The following BIVM variants were observed in gnomAD, a reference collection of about 807,000 sequenced individuals.
The protein encoded by BIVM is basic, immunoglobulin-like variable motif containing, also known as basic immunoglobulin-like variable motif-containing protein.
Under a neutral mutation model 61.4 loss-of-function variants are expected in BIVM, and 31 were observed. The observed-to-expected ratio is 0.51, with a 90% CI of 0.38 to 0.68. The LOEUF is 0.68. BIVM is among the 30% of genes least tolerant of loss of function. BIVM has a pLI of 0.00. For missense variants in BIVM, 526 were observed against 596.0 expected (o/e 0.88, Z 1.22); for synonymous variants, 189 against 210.7 (o/e 0.90, Z 0.89).
chr13:102,821,151 C>T lies in BIVM; in HGVS notation c.701+19C>T. The T allele has an allele frequency of 6.3e-7, 1 of 1,594,036 alleles. No individual in the cohort carries two copies. The highest frequency in any genetic ancestry group is 8.5e-7 in the Non-Finnish European group (1 of 1,171,084). ...CTGGAAAGTAAGTATGTCAATTTAT[C>T]AGTACCCCCAAACTCCAAAGTAATT... is the stretch of plus-strand genomic sequence containing the variant. On this transcript the variant is annotated intron_variant, in intron 5 of 10. Coordinates refer to ENST00000257336, the MANE Select transcript of BIVM (RefSeq NM_017693.4).
intron 3 of BIVM, among the ~76,000 whole-genome samples, chr13:102,809,787 C>CTT (rs71292825): frequency 0.37 from 47,182 of 126,858 alleles, 9,626 homozygotes; most frequent in Non-Finnish European, 0.51. Context: ...TCTTTTCTTT[C>CTT]TTTTTTTTTT....
intron 9 of BIVM, among the ~76,000 whole-genome samples, chr13:102,836,571 CCCAAAGGG>C (rs1367863489): frequency 6.6e-6 from 1 of 152,254 alleles, no homozygotes; most frequent in African/African-American, 2.4e-5. Flanking sequence ...TCCTTGGCCT[CCCAAAGGG>C]CCGGGATTAC....
At chr13:102,802,611 C>T (rs546791420) in intron 1 of BIVM, among the ~76,000 whole-genome samples, 1 of 128,980 alleles carries the variant, frequency 7.8e-6, no homozygotes, top group African/African-American at 3.0e-5. Context: ...TAAAATGCAT[C>T]CTTATATTGA....
intron 10 of BIVM, 169 bp from the exon 11 acceptor site, chr13:102,839,403 G>A (rs1229094095): frequency 2.2e-6 from 2 of 912,502 alleles, no homozygotes; most frequent in Non-Finnish European, 3.2e-6. Context: ...TTTTGTAAAG[G>A]CAGCTGTTAG....
intron 4 of BIVM, chr13:102,820,547 T>G (rs1880194950): frequency 6.3e-6 from 1 of 159,178 alleles, no homozygotes; most frequent in Non-Finnish European, 1.4e-5. Flanking sequence ...ATTTCACTTT[T>G]AAACTTCTCT....
At chr13:102,831,537 A>C (rs773084932) in intron 7 of BIVM, 28 bp from the exon 8 acceptor site, 29 of 1,613,074 alleles carry the variant, frequency 1.8e-5, no homozygotes, top group Non-Finnish European at 2.4e-5. Context: ...ATGGGCTTTC[A>C]GTTTGTGTGT....
chr13:102,826,289 A>T (rs1455786596), intron 7 of BIVM, among the ~76,000 whole-genome samples: 1 of 152,054 alleles, frequency 6.6e-6, no homozygotes, highest in Non-Finnish European at 1.5e-5. Flanking sequence ...TGTGTGCTAG[A>T]TCTGCCCTGC....
intron 3 of BIVM, among the ~76,000 whole-genome samples, chr13:102,813,050 A>C (rs1404412303): frequency 6.6e-6 from 1 of 152,174 alleles, no homozygotes. Context: ...ATTTGCATTT[A>C]CTGTTCAGGA....
chr13:102,812,994 T>C (rs922576544), intron 3 of BIVM, among the ~76,000 whole-genome samples: 65 of 152,322 alleles, frequency 4.3e-4, no homozygotes, highest in African/African-American at 1.5e-3. Flanking sequence ...TTTCTTGGAC[T>C]TGGGGATAGG....
At chr13:102,809,288 A>G (rs919205565) in intron 3 of BIVM, among the ~76,000 whole-genome samples, 3 of 152,212 alleles carry the variant, frequency 2.0e-5, no homozygotes, top group African/African-American at 7.2e-5. Context: ...ACTTAGATGT[A>G]TGCTGTTTAA....
intron 3 of BIVM, among the ~76,000 whole-genome samples, chr13:102,810,422 A>G (rs558200344): frequency 2.5e-4 from 38 of 152,372 alleles, no homozygotes; most frequent in African/African-American, 8.2e-4. Flanking sequence ...ATACAAAAAC[A>G]TATTTTTAAA....
At chr13:102,806,836 G>A (rs192031891) in intron 2 of BIVM, among the ~76,000 whole-genome samples, 406 of 152,078 alleles carry the variant, frequency 2.7e-3, no homozygotes, top group African/African-American at 9.2e-3. Flanking sequence ...CTTGAACCCG[G>A]GAGGCGGAGG....
chr13:102,837,505 A>G (rs1392866636), intron 9 of BIVM, among the ~76,000 whole-genome samples: 1 of 152,200 alleles, frequency 6.6e-6, no homozygotes, highest in Non-Finnish European at 1.5e-5. Context: ...GAGATTCCTT[A>G]AAGAACTAAA....
intron 9 of BIVM, among the ~76,000 whole-genome samples, chr13:102,835,332 A>G (rs1429743629): frequency 1.3e-5 from 2 of 152,166 alleles, no homozygotes; most frequent in Non-Finnish European, 2.9e-5. Context: ...TCCTGCCTCA[A>G]AAAAAGGGAA....
At chr13:102,833,937 A>G (rs1418467328) in intron 8 of BIVM, among the ~76,000 whole-genome samples, 1 of 152,232 alleles carries the variant, frequency 6.6e-6, no homozygotes, top group East Asian at 1.9e-4. Flanking sequence ...TTTTAAACCA[A>G]CTTTGTACCC....
In BIVM at chr13:102,825,087, C is replaced by T. The variant is rs1056092949; in HGVS notation, c.901+2928C>T. ...CCTCCCGAGTAGCTGGGACTACAGG[C>T]GCCCACCACCATGCCCGGCTAATTT... On this transcript the variant is annotated intron_variant, in intron 7 of 10. Transcript: ENST00000257336. Among the ~76,000 whole-genome samples the T allele has an allele frequency of 5.0e-4, 76 of 152,088 alleles. 1 individual carries two copies. The highest frequency in any genetic ancestry group is 1.7e-3 in the African/African-American group (69 of 41,498).
At chr13:102,836,070 T>TTGCTGATTCATA (rs1220217380) in intron 9 of BIVM, among the ~76,000 whole-genome samples, 1 of 152,212 alleles carries the variant, frequency 6.6e-6, no homozygotes, top group Non-Finnish European at 1.5e-5. Context: ...AGGACTAGAA[T>TTGCTGATTCATA]TGCTGATTCA....
chr13:102,831,518 C>T (rs746437151), intron 7 of BIVM, 47 bp from the exon 8 acceptor site: 31 of 1,611,130 alleles, frequency 1.9e-5, no homozygotes, highest in Admixed American at 5.0e-5. Context: ...AAAGCATGGA[C>T]ACTGCTTTAT....
rs79346003 is a variant in BIVM, at chr13:102,819,484, G to A, written c.606-1553G>A. On this transcript the variant is annotated intron_variant, in intron 4 of 10. Coordinates refer to ENST00000257336, the MANE Select transcript of BIVM (RefSeq NM_017693.4). ...AAGTGATAGTTATTAGCTTTTGTGTGTCATTTTGTGTAGTCTACAGATTTA... is the reference window on the plus strand; with the variant it reads ...AAGTGATAGTTATTAGCTTTTGTGTATCATTTTGTGTAGTCTACAGATTTA... Among the ~76,000 whole-genome samples, 74 of 152,314 alleles carry A rather than the reference G, an allele frequency of 4.9e-4. No individual in the cohort carries two copies. The East Asian group carries it at 0.013, about 27-fold the overall frequency.
Sources: allele counts gnomAD v4.1 joint callset (sites outside exome capture counted in the v4.1 genomes callset), GRCh38; gene constraint gnomAD v4.1.1; transcripts MANE v1.5; gene names NCBI Gene and HGNC (gene_info 2026-07-23, HGNC 2026-07-21).